DSCAM: variants seen among roughly 807,000 people sequenced by gnomAD.
DSCAM encodes cell adhesion molecule DSCAM.
A neutral mutation model predicts 217.7 loss-of-function variants in DSCAM; 47 were observed. The observed-to-expected ratio is 0.22, with a 90% CI of 0.17 to 0.28. DSCAM has a LOEUF of 0.28. Among genes scored for constraint, DSCAM ranks in the 10% least tolerant of loss-of-function variants. The pLI, the probability that DSCAM is intolerant of heterozygous loss-of-function variation, is 1.00. For missense variants in DSCAM, 2,080 were observed against 2,618.3 expected (o/e 0.79, Z 4.49); for synonymous variants, 1,056 against 1,015.3 (o/e 1.04, Z -0.76).
intron 3 of DSCAM, among the ~76,000 whole-genome samples, chr21:40,573,659 A>G (rs544880873): frequency 6.6e-6 from 1 of 152,238 alleles, no homozygotes; most frequent in East Asian, 1.9e-4. Flanking sequence ...AATAATAAAA[A>G]CAGCAGAAAT....
chr21:40,477,701 G>T (rs1030478168), intron 3 of DSCAM, among the ~76,000 whole-genome samples: 15 of 152,046 alleles, frequency 9.9e-5, no homozygotes, highest in Non-Finnish European at 1.5e-5. Context: ...GCACAAATTT[G>T]TAATTATTTT....
At chr21:40,688,506 G>C (rs1237920071) in intron 3 of DSCAM, among the ~76,000 whole-genome samples, 4 of 152,122 alleles carry the variant, frequency 2.6e-5, no homozygotes, top group African/African-American at 9.7e-5. Context: ...CATTTAAAAG[G>C]ATTTCATTGC....
chr21:40,132,188 G>A (rs2090160596), intron 19 of DSCAM, among the ~76,000 whole-genome samples: 2 of 152,200 alleles, frequency 1.3e-5, no homozygotes, highest in African/African-American at 4.8e-5. Context: ...GGGTCAGGAA[G>A]CATCCCACTC....
chr21:40,428,908 C>A (rs900404420), intron 3 of DSCAM, among the ~76,000 whole-genome samples: 1 of 152,020 alleles, frequency 6.6e-6, no homozygotes, highest in African/African-American at 2.4e-5. Context: ...ATGAAAGTTG[C>A]ATTAGTGTAT....
intron 1 of DSCAM, among the ~76,000 whole-genome samples, chr21:40,836,787 G>A (rs2092060676): frequency 1.3e-5 from 2 of 152,192 alleles, no homozygotes; most frequent in South Asian, 2.1e-4. Context: ...TCTGGTATCA[G>A]AGCTGGAAGA....
intron 4 of DSCAM, among the ~76,000 whole-genome samples, chr21:40,355,773 A>G (rs774417287): frequency 2.6e-5 from 4 of 152,230 alleles, no homozygotes; most frequent in Non-Finnish European, 2.9e-5. Flanking sequence ...ATGGATATTC[A>G]CTGTCCTATC....
chr21:40,404,699 A>G (rs1461860488), intron 3 of DSCAM, among the ~76,000 whole-genome samples: 1 of 152,240 alleles, frequency 6.6e-6, no homozygotes, highest in Non-Finnish European at 1.5e-5. Context: ...ACCAGGCTCC[A>G]GGCCAGGGGT....
At chr21:40,681,994 C>T (rs147631106) in intron 3 of DSCAM, among the ~76,000 whole-genome samples, 236 of 152,250 alleles carry the variant, frequency 1.6e-3, no homozygotes, top group African/African-American at 5.3e-3. Context: ...CCTGCTGACG[C>T]TGTGACTTTG....
intron 28 of DSCAM, among the ~76,000 whole-genome samples, chr21:40,062,281 A>C (rs2089135510): frequency 6.6e-6 from 1 of 151,868 alleles, no homozygotes; most frequent in Non-Finnish European, 1.5e-5. Context: ...TTCAATAACC[A>C]CTCTTCATTC....
chr21:40,326,476 A>C (rs938376691), intron 8 of DSCAM, among the ~76,000 whole-genome samples: 1 of 152,226 alleles, frequency 6.6e-6, no homozygotes, highest in African/African-American at 2.4e-5. Context: ...ATTTAAACAA[A>C]TGGGGACGCT....
rs888247858 is a variant in DSCAM, at chr21:40,739,963, T to A, written c.44-31192A>T. On this transcript the variant is annotated intron_variant, in intron 1 of 32. Transcript: ENST00000400454. ...AGATGATGCAGGTGTAATTTTTTTT[T>A]TTTTTTTTTTTTTTTTTTTTTTTGC... Among the ~76,000 whole-genome samples the A allele has an allele frequency of 3.1e-3, 381 of 124,080 alleles. 3 individuals are homozygous for A. The highest frequency in any genetic ancestry group is 0.011 in the African/African-American group (368 of 32,402). The allele number at this position is 124,080 out of a possible 152,430, so 81.4% of individuals were successfully genotyped here. A position where few individuals can be genotyped will look rare whatever the true frequency, so the allele number is the denominator to read the frequency against.
chr21:40,736,495 A>T (rs1042442585), intron 1 of DSCAM, among the ~76,000 whole-genome samples: 7 of 152,170 alleles, frequency 4.6e-5, no homozygotes, highest in Non-Finnish European at 8.8e-5. Context: ...TGGAGGTTAG[A>T]AGTTCAAGAT....
At chr21:40,839,975 T>C (rs1256595839) in intron 1 of DSCAM, among the ~76,000 whole-genome samples, 1 of 152,220 alleles carries the variant, frequency 6.6e-6, no homozygotes, top group Non-Finnish European at 1.5e-5. Flanking sequence ...AATATGTATT[T>C]ACATAATCCA....
At chr21:40,375,367 T>C (rs1027511045) in intron 3 of DSCAM, among the ~76,000 whole-genome samples, 2 of 152,246 alleles carry the variant, frequency 1.3e-5, no homozygotes, top group East Asian at 1.9e-4. Flanking sequence ...TGGTCTATGA[T>C]AGTTTGGGCT....
chr21:40,089,867 AT>A (rs2089583013), intron 21 of DSCAM, among the ~76,000 whole-genome samples: 1 of 145,850 alleles, frequency 6.9e-6, no homozygotes, highest in Non-Finnish European at 1.6e-5. Flanking sequence ...AAAGTTGAAC[AT>A]TTCTGGAAAA....
intron 3 of DSCAM, among the ~76,000 whole-genome samples, chr21:40,527,880 T>G (rs1218198580): frequency 6.6e-6 from 1 of 152,120 alleles, no homozygotes; most frequent in African/African-American, 2.4e-5. Flanking sequence ...TCCTTTTATC[T>G]GAAGACCACC....
intron 3 of DSCAM, among the ~76,000 whole-genome samples, chr21:40,637,222 AAT>A (rs1226457638): frequency 0.022 from 73 of 3,368 alleles, 20 homozygotes; most frequent in African/African-American, 0.069. Context: ...TATAAATATA[AAT>A]ATATATATAT....
chr21:40,128,115 A>G (rs2837440), intron 19 of DSCAM, among the ~76,000 whole-genome samples: 16,996 of 150,842 alleles, frequency 0.11, 1,276 homozygotes, highest in East Asian at 0.29. Flanking sequence ...TGCACTTGAC[A>G]CAGTCCACTC....
At chr21:40,424,548 G>C (rs2075454547) in intron 3 of DSCAM, among the ~76,000 whole-genome samples, 1 of 152,180 alleles carries the variant, frequency 6.6e-6, no homozygotes, top group Non-Finnish European at 1.5e-5. Flanking sequence ...TGGCCCTGCA[G>C]ACACCTGAAT....
Sources: allele counts gnomAD v4.1 joint callset (sites outside exome capture counted in the v4.1 genomes callset), GRCh38; gene constraint gnomAD v4.1.1; transcripts MANE v1.5; gene names NCBI Gene and HGNC (gene_info 2026-07-23, HGNC 2026-07-21).